IWS1: variants seen among roughly 807,000 people sequenced by gnomAD.
IWS1 encodes interacts with SUPT6H, CTD assembly factor 1, also known as protein IWS1 homolog.
Under a neutral mutation model 86.7 loss-of-function variants are expected in IWS1, and 27 were observed. The observed-to-expected ratio is 0.31, with a 90% CI of 0.23 to 0.43. The LOEUF is 0.43. Among genes scored for constraint, IWS1 ranks in the 20% least tolerant of loss-of-function variants. The probability of loss-of-function intolerance (pLI) is 1.00; values close to 1 mark genes in which losing one functional copy is unlikely to be tolerated. For synonymous variants in IWS1, 313 were observed against 335.1 expected (o/e 0.93, Z 0.72); for missense variants, 827 against 1,000.8 (o/e 0.83, Z 2.34).
intron 5 of IWS1, chr2:127,502,545 T>C: frequency 7.7e-6 from 2 of 258,778 alleles, no homozygotes; most frequent in Non-Finnish European, 1.5e-5. Context: ...TCCCTAATTA[T>C]TGTGAATCTT....
chr2:127,487,095 T>C (rs982452584), intron 12 of IWS1, among the ~76,000 whole-genome samples: 3 of 152,182 alleles, frequency 2.0e-5, no homozygotes, highest in African/African-American at 4.8e-5. Flanking sequence ...AGTATGCCTA[T>C]AAAGTAGTTT....
chr2:127,523,721 C>G lies in IWS1; in HGVS notation c.105G>C (p.Glu35Asp). ...TTCCAGTGTCTGATCCGGAGTGTTG[C>G]TCATTTACATCATCCTCACCGTCTG... ...SGSDGEDDVN[E>D]QHSGSDTGSV... is the part of the protein sequence containing the mutation. The change falls in exon 2 of 14, where the codon GAG (glutamate) becomes GAC (aspartate). Residue 35 changes from glutamate (E) to aspartate (D), a missense_variant. Coordinates refer to ENST00000295321, the MANE Select transcript of IWS1 (RefSeq NM_017969.3). 3 of 1,614,006 alleles carry G rather than the reference C, an allele frequency of 1.9e-6. No individual in the cohort carries two copies. The highest frequency in any genetic ancestry group is 2.5e-6 in the Non-Finnish European group (3 of 1,179,958).
chr2:127,520,475 G>A (rs1450142252), intron 2 of IWS1, among the ~76,000 whole-genome samples: 1 of 152,022 alleles, frequency 6.6e-6, no homozygotes, highest in African/African-American at 2.4e-5. Flanking sequence ...CCTTTGCACT[G>A]CTTCATTTAA....
chr2:127,525,806 A>G (rs1692373276), intron 1 of IWS1, among the ~76,000 whole-genome samples: 1 of 152,228 alleles, frequency 6.6e-6, no homozygotes, highest in South Asian at 2.1e-4. Context: ...ACTAGCAGTG[A>G]AAAGTCTAGG....
intron 9 of IWS1, 51 bp from the exon 10 acceptor site, chr2:127,492,139 T>C: frequency 8.6e-7 from 1 of 1,159,130 alleles, no homozygotes. Context: ...AAGCTGGGGG[T>C]CTTGCTAGTC....
Position 127,481,166 on chromosome 2 carries a change from T to C in IWS1, c.2338A>G (p.Thr780Ala), listed in dbSNP as rs1486486892. 8 of 1,598,734 alleles carry C rather than the reference T, an allele frequency of 5.0e-6. No individual in the cohort carries two copies. Among genetic ancestry groups the C allele is most frequent in the Non-Finnish European group, 6.8e-6 (8 of 1,175,520 alleles). Residue 780 changes from threonine (T) to alanine (A), a missense_variant, in exon 14 of 14, where the codon ACC becomes GCC. By Grantham distance (58) the Thr-to-Ala change is moderately conservative. Coordinates refer to ENST00000295321, the MANE Select transcript of IWS1 (RefSeq NM_017969.3). ...VEMESSRFQA[T>A]SKKGISRLDK... The stretch of plus-strand genomic sequence containing the variant: ...AGTCGACTGATACCCTTCTTGGAGG[T>C]CGCCTGAAACTAAGAGTAAGGGAAA...
chr2:127,494,919 T>G lies in IWS1; in HGVS notation c.1752A>C (p.Ala584=), dbSNP rs769986803. 2 of 1,604,254 alleles carry G rather than the reference T, an allele frequency of 1.2e-6. No homozygotes were observed. The highest frequency in any genetic ancestry group is 1.3e-5 in the African/African-American group (1 of 74,676). ...DRQLNNQKKP[A]LKKLTLLPAV... ...CAGGCAGTAAAGTTAATTTTTTCAG[T>G]GCTGGCTTTTTTTGATTGTTCAACT... is the stretch of plus-strand genomic sequence containing the variant. The change falls in exon 8 of 14, where the codon GCA becomes GCC. Residue 584 remains alanine, a synonymous_variant. Coordinates refer to ENST00000295321, the MANE Select transcript of IWS1 (RefSeq NM_017969.3).
chr2:127,527,016 G>GT (rs1461886372), upstream of IWS1: 5 of 225,272 alleles, frequency 2.2e-5, no homozygotes, highest in South Asian at 9.8e-5. Flanking sequence ...CCAACAGTAA[G>GT]AAGTACACGT....
Position 127,493,284 on chromosome 2 carries a change from T to C in IWS1, c.1926A>G (p.Gln642=), listed in dbSNP as rs756346137. ...KIREELLKIL[Q]ELPSVSQETL... ...AGTCAGATTATCTGCCTCTAACCTC[T>C]TGCAGGATCTTCAGCAGCTCCTCCC... The change falls in exon 9 of 14, where the codon CAA becomes CAG. Residue 642 remains glutamine, a synonymous_variant. Coordinates refer to ENST00000295321, the MANE Select transcript of IWS1 (RefSeq NM_017969.3). The C allele has an allele frequency of 1.6e-5, 25 of 1,611,466 alleles. No homozygotes were observed. The highest frequency in any genetic ancestry group is 1.9e-5 in the Non-Finnish European group (22 of 1,179,202).
At chr2:127,517,205 C>T (rs1691822154) in intron 2 of IWS1, among the ~76,000 whole-genome samples, 1 of 152,138 alleles carries the variant, frequency 6.6e-6, no homozygotes, top group Non-Finnish European at 1.5e-5. Flanking sequence ...GTGCAATCCC[C>T]CATCAGAATC....
chr2:127,519,258 C>T (rs1356085982), intron 2 of IWS1, among the ~76,000 whole-genome samples: 1 of 152,168 alleles, frequency 6.6e-6, no homozygotes, highest in African/African-American at 2.4e-5. Flanking sequence ...ACATGTGTTA[C>T]AGTAAACTCT....
At chr2:127,511,066 C>T (rs916455449) in intron 2 of IWS1, 1 of 152,224 alleles carries the variant, frequency 6.6e-6, no homozygotes, top group Admixed American at 6.5e-5. Flanking sequence ...TTTACAAATG[C>T]TGTTCCCTTT....
chr2:127,494,973 A>C lies in IWS1; in HGVS notation c.1717-19T>G. 3 of 1,492,626 alleles carry C rather than the reference A, an allele frequency of 2.0e-6. No homozygotes were observed. The highest frequency in any genetic ancestry group is 2.7e-6 in the Non-Finnish European group (3 of 1,093,130). The allele number at this position is 1,492,626 out of a possible 1,614,324, so 92.5% of individuals were successfully genotyped here. ...TGTCTTCCTATTCAGAAAAAAAATAAAGATTTTTTTTTAAAACAGTACTTT... is the reference window on the plus strand; with the variant it reads ...TGTCTTCCTATTCAGAAAAAAAATACAGATTTTTTTTTAAAACAGTACTTT... On this transcript the variant is annotated intron_variant, in intron 7 of 13. Coordinates refer to ENST00000295321, the MANE Select transcript of IWS1 (RefSeq NM_017969.3).
At chr2:127,511,824 C>A (rs1030770694) in intron 2 of IWS1, among the ~76,000 whole-genome samples, 2 of 152,146 alleles carry the variant, frequency 1.3e-5, no homozygotes, top group African/African-American at 4.8e-5. Context: ...TAGACAGAAT[C>A]AAAAGAACTA....
chr2:127,521,352 AAAT>A (rs1692083911), intron 2 of IWS1, among the ~76,000 whole-genome samples: 1 of 152,246 alleles, frequency 6.6e-6, no homozygotes, highest in Admixed American at 6.5e-5. Context: ...ACTGCAGGAT[AAAT>A]AATGTGAAAA....
chr2:127,491,466 G>A (rs1032140257), intron 10 of IWS1, among the ~76,000 whole-genome samples: 8 of 151,498 alleles, frequency 5.3e-5, no homozygotes, highest in Non-Finnish European at 7.4e-5. Flanking sequence ...TTTTTGAGAC[G>A]GAGTCTCGCT....
intron 1 of IWS1, 87 bp downstream of exon 1, chr2:127,526,088 C>T: frequency 7.4e-7 from 1 of 1,352,908 alleles, no homozygotes; most frequent in Admixed American, 2.1e-5. Flanking sequence ...CGGGGGGCCT[C>T]CTTGCCCCCA....
upstream of IWS1, chr2:127,526,678 T>G (rs1288670634): frequency 2.3e-6 from 3 of 1,312,218 alleles, no homozygotes; most frequent in Non-Finnish European, 3.0e-6. Flanking sequence ...GGTAATAACG[T>G]TATCATTGAT....
At chr2:127,526,792 G>T, upstream of IWS1, 2 of 857,992 alleles carry the variant, frequency 2.3e-6, no homozygotes, top group Non-Finnish European at 3.4e-6. Flanking sequence ...CCGTCATTCA[G>T]CCAAACCACT....
Sources: gnomAD v4.1 joint callset for allele counts (sites outside exome capture counted in the v4.1 genomes callset) on GRCh38, gnomAD v4.1.1 for gene constraint, MANE v1.5 for transcripts, NCBI Gene and HGNC (gene_info 2026-07-23, HGNC 2026-07-21) for gene names.